The following ARL17A variants were observed in gnomAD, a reference collection of about 807,000 sequenced individuals.
ARL17A encodes the protein ADP-ribosylation factor-like 17-like.
At chr17:46,541,782 T>TA (rs1447056638) in intron 3 of ARL17A, among the ~76,000 whole-genome samples, 1 of 150,954 alleles carries the variant, frequency 6.6e-6, no homozygotes, top group Non-Finnish European at 1.5e-5. Context: ...ATTAGGTACT[T>TA]AGAGTATACC....
downstream of ARL17A, chr17:46,548,679 A>G (rs1381917774): frequency 6.2e-7 from 1 of 1,608,178 alleles, no homozygotes; most frequent in Admixed American, 1.7e-5. Flanking sequence ...GGCACTTCAA[A>G]GAGGTAGGAA....
intron 3 of ARL17A, among the ~76,000 whole-genome samples, chr17:46,545,375 C>T (rs1251007410): frequency 5.9e-5 from 8 of 135,356 alleles, no homozygotes; most frequent in African/African-American, 2.5e-4. Context: ...CCCTTGAGCC[C>T]AGGGGGGTTG....
chr17:46,501,321 A>G, the ARL17A span, among the ~76,000 whole-genome samples: 1 of 151,050 alleles, frequency 6.6e-6, no homozygotes, highest in Non-Finnish European at 1.5e-5. Flanking sequence ...GACCACAGGC[A>G]TGCACCACCA....
At position 46,529,788 on chromosome 17, in the gene ARL17A, C is replaced by T. The variant is rs1304428312; in HGVS notation, c.336-929G>A. Among the ~76,000 whole-genome samples, 70 of 108,324 alleles carry T rather than the reference C, an allele frequency of 6.5e-4. 1 individual carries two copies. Among genetic ancestry groups the T allele is most frequent in the African/African-American group, 2.0e-3 (62 of 30,534 alleles). 71.1% of individuals were successfully genotyped at this position (108,324 alleles called of 152,430 possible). A position where few individuals can be genotyped will look rare whatever the true frequency, so the allele number is the denominator to read the frequency against. ...CCACTCAGTCTCTCCATGGCCCAGG[C>T]ACAACCTTAGTCAAGAAAAGAATGC... On this transcript the variant is annotated intron_variant, in intron 4 of 4. Coordinates refer to the ARL17A transcript ENST00000329240.
Position 46,558,508 on chromosome 17 carries a change from TC to T in ARL17A, c.260-879del, listed in dbSNP as rs1479926926. Among the ~76,000 whole-genome samples the T allele has an allele frequency of 6.5e-5, 8 of 122,774 alleles. 1 individual carries two copies. The East Asian group carries it at 1.9e-3, about 29-fold the overall frequency. The allele number at this position is 122,774 out of a possible 152,430, so 80.5% of individuals were successfully genotyped here. On this transcript the variant is annotated intron_variant, in intron 3 of 3. Coordinates refer to ENST00000336125, the MANE Select transcript of ARL17A (RefSeq NM_001113738.2). ...TTCAAGTGATTCTCCTGCCTCAGCC[TC>T]CCGAATAGCTGGGATTACAGGCACC...
chr17:46,550,368 T>C (rs1182472378), downstream of ARL17A: 4 of 645,914 alleles, frequency 6.2e-6, no homozygotes, highest in East Asian at 5.6e-5. Context: ...GGGTTTTGAA[T>C]AGTTAGCTCT....
chr17:46,569,404 TA>T (rs1442481585), intron 3 of ARL17A, among the ~76,000 whole-genome samples: 2 of 150,782 alleles, frequency 1.3e-5, no homozygotes, highest in Admixed American at 6.6e-5. Flanking sequence ...GACATGTGAA[TA>T]AAAGGCATCA....
chr17:46,558,800 T>TATATCA (rs1440996598), intron 3 of ARL17A: 1 of 132,292 alleles, frequency 7.6e-6, no homozygotes, highest in African/African-American at 2.9e-5. Flanking sequence ...CACACTCCCC[T>TATATCA]ATATCAATCT....
intron 3 of ARL17A, among the ~76,000 whole-genome samples, chr17:46,521,053 A>G (rs1211670152): frequency 2.5e-5 from 2 of 80,332 alleles, no homozygotes; most frequent in African/African-American, 7.3e-5. Context: ...GTTAACTGGT[A>G]GAGCTAGAAA....
At chr17:46,516,505 A>AATGGGAGT (rs1167368392), downstream of ARL17A, among the ~76,000 whole-genome samples, 1 of 144,246 alleles carries the variant, frequency 6.9e-6, no homozygotes, top group Non-Finnish European at 1.5e-5. Flanking sequence ...ATAGGAGAAA[A>AATGGGAGT]ATGGGAGTAC....
intron 4 of ARL17A, among the ~76,000 whole-genome samples, chr17:46,534,863 G>T (rs574788305): frequency 1.5e-4 from 22 of 149,874 alleles, no homozygotes; most frequent in African/African-American, 5.3e-4. Flanking sequence ...CGGCTGCCGG[G>T]CAGAGGGGCT....
At chr17:46,532,246 C>A (rs1388612360) in intron 4 of ARL17A, among the ~76,000 whole-genome samples, 2 of 148,780 alleles carry the variant, frequency 1.3e-5, no homozygotes, top group Non-Finnish European at 2.9e-5. Context: ...TGTAGTGAAA[C>A]CATAGATCAG....
downstream of ARL17A, among the ~76,000 whole-genome samples, chr17:46,526,420 C>T (rs62073313): frequency 9.9e-6 from 1 of 101,484 alleles, no homozygotes; most frequent in Non-Finnish European, 2.1e-5. Flanking sequence ...TGTGGTTGAT[C>T]GATGATGAAT....
intron 3 of ARL17A, among the ~76,000 whole-genome samples, chr17:46,569,082 A>C (rs2057623966): frequency 1.4e-5 from 2 of 145,752 alleles, no homozygotes; most frequent in African/African-American, 5.3e-5. Flanking sequence ...AGCTGGGATT[A>C]CAGGCATGCA....
downstream of ARL17A, among the ~76,000 whole-genome samples, chr17:46,550,709 C>G (rs1313904097): frequency 1.0e-4 from 14 of 138,790 alleles, 2 homozygotes; most frequent in African/African-American, 4.1e-4. Context: ...TTAAAGGATC[C>G]TCGCTTTCAG....
chr17:46,513,822 TA>T (rs1375046635), downstream of ARL17A: 3 of 14,622 alleles, frequency 2.1e-4, no homozygotes, highest in East Asian at 1.3e-3. Flanking sequence ...CTGAGTCTCC[TA>T]GGGAGGTCGA....
intron 3 of ARL17A, chr17:46,540,048 TA>T (rs1478479472): frequency 2.1e-6 from 2 of 932,820 alleles, no homozygotes; most frequent in Admixed American, 6.0e-5. Flanking sequence ...GGTGATTTCT[TA>T]GGTAAAGACA....
chr17:46,558,023 G>A (rs1353897639), intron 3 of ARL17A, among the ~76,000 whole-genome samples: 1 of 138,140 alleles, frequency 7.2e-6, no homozygotes, highest in African/African-American at 2.7e-5. Context: ...AAGGCTGCCA[G>A]AGAAAAGATA....
At chr17:46,542,514 GATAT>G (rs574096941) in intron 3 of ARL17A, among the ~76,000 whole-genome samples, 2 of 146,196 alleles carry the variant, frequency 1.4e-5, no homozygotes, top group Admixed American at 6.7e-5. Context: ...TTCTTTGCAG[GATAT>G]ATATATAGAT....
Sources: allele counts gnomAD v4.1 joint callset (sites outside exome capture counted in the v4.1 genomes callset), GRCh38; gene constraint gnomAD v4.1.1; transcripts MANE v1.5; gene names NCBI Gene and HGNC (gene_info 2026-07-23, HGNC 2026-07-21).